The following TMEM185A variants were observed in gnomAD, a reference collection of about 807,000 sequenced individuals.
The protein encoded by TMEM185A is family with sequence similarity 11, member A.
A neutral mutation model predicts 25.0 loss-of-function variants in TMEM185A; 9 were observed. The observed-to-expected ratio is 0.36, with a 90% confidence interval of 0.22 to 0.63. The LOEUF is 0.63. TMEM185A is among the 20% of genes least tolerant of loss of function. TMEM185A has a pLI of 0.68. For synonymous variants in TMEM185A, 45 were observed against 93.5 expected (o/e 0.48, Z 2.99); for missense variants, 103 against 237.4 (o/e 0.43, Z 3.72).
intron 1 of TMEM185A, among the ~76,000 whole-genome samples, chrX:149,615,637 T>C (rs1218885365): frequency 2.7e-5 from 3 of 111,843 alleles, no homozygotes; most frequent in African/African-American, 6.5e-5. Flanking sequence ...ACAAAAATTA[T>C]TGCATTTCTA....
chrX:149,607,134 T>C (rs1478674281), intron 3 of TMEM185A, among the ~76,000 whole-genome samples: 1 of 111,839 alleles, frequency 8.9e-6, no homozygotes, highest in Non-Finnish European at 1.9e-5. Flanking sequence ...CCATTCTCCC[T>C]GAGTCCCACA....
intron 1 of TMEM185A, among the ~76,000 whole-genome samples, chrX:149,613,534 GATTA>G (rs1185870932): frequency 8.9e-6 from 1 of 112,056 alleles, no homozygotes; most frequent in Non-Finnish European, 1.9e-5. Flanking sequence ...CTTGAAAGCA[GATTA>G]ATCCCTGGAG....
At chrX:149,604,106 T>A (rs1602856785) in intron 3 of TMEM185A, 36 bp from the exon 4 acceptor site, 2 of 1,023,953 alleles carry the variant, frequency 2.0e-6, no homozygotes, top group African/African-American at 1.9e-5. Flanking sequence ...AAACAAAGTA[T>A]AATTTGCATT....
chrX:149,628,430 C>T (rs947576115), intron 1 of TMEM185A, among the ~76,000 whole-genome samples: 1 of 112,040 alleles, frequency 8.9e-6, no homozygotes, highest in African/African-American at 3.3e-5. Context: ...ACATCTGTTT[C>T]GGCATGTCTT....
At chrX:149,613,393 G>A (rs1557354711) in intron 1 of TMEM185A, among the ~76,000 whole-genome samples, 1 of 111,989 alleles carries the variant, frequency 8.9e-6, no homozygotes, top group African/African-American at 3.3e-5. Flanking sequence ...ATGGAGGTAA[G>A]GAACCATGAG....
chrX:149,631,124 G>A (rs932591378), intron 1 of TMEM185A, among the ~76,000 whole-genome samples: 6 of 110,782 alleles, frequency 5.4e-5, no homozygotes, highest in Non-Finnish European at 1.9e-5. Context: ...GGAACTGGAG[G>A]AAACAGCTGG....
chrX:149,603,335 C>T (rs1392627074), intron 4 of TMEM185A, among the ~76,000 whole-genome samples: 2 of 108,643 alleles, frequency 1.8e-5, no homozygotes, highest in Non-Finnish European at 3.8e-5. Context: ...CTACATTGCA[C>T]AGGTTGGTCT....
Position 149,631,594 on chromosome X carries a change from A to G in TMEM185A, c.-14T>C. ...CCTCAGGTTCATGGCGGAGAACTTC[A>G]CCGCGGCGTCCTCCTCCTCCTCCCC... is the stretch of plus-strand genomic sequence containing the variant. On this transcript the variant is annotated 5_prime_UTR_variant, in exon 1 of 7. Coordinates refer to ENST00000600449, the MANE Select transcript of TMEM185A (RefSeq NM_032508.4). 8.6e-7 allele frequency: 1 copy of G among 1,159,332 alleles called. No individual in the cohort carries two copies.
chrX:149,605,343 ATGTCACTTTCTATG>A (rs2090042801), intron 3 of TMEM185A: 1 of 84,993 alleles, frequency 1.2e-5, no homozygotes, highest in Non-Finnish European at 2.4e-5. Flanking sequence ...ATGGCCTCCC[ATGTCACTTTCTATG>A]GCCTCCCATG....
At chrX:149,611,246 C>T (rs374512140) in intron 2 of TMEM185A, 41 bp downstream of exon 2, 1 of 1,133,613 alleles carries the variant, frequency 8.8e-7, no homozygotes, top group African/African-American at 1.8e-5. Context: ...GATATTGCTC[C>T]CTCATGCTAG....
rs782692198 is a variant in TMEM185A at position 149,627,420 on chromosome X, T to C, written c.38+4123A>G. On this transcript the variant is annotated intron_variant, in intron 1 of 6. Transcript: ENST00000600449. ...ACAGCATCTCAAAGCAGAAACAATT[T>C]TTCTTAGTACAGATCAAAATGGAGT... is the stretch of plus-strand genomic sequence containing the variant. Among the ~76,000 whole-genome samples, 8 of 112,339 alleles carry C rather than the reference T, an allele frequency of 7.1e-5. No homozygotes were observed. The Admixed American group carries it at 7.5e-4, about 10-fold the overall frequency.
chrX:149,615,540 C>A (rs1346210255), intron 1 of TMEM185A, among the ~76,000 whole-genome samples: 1 of 110,190 alleles, frequency 9.1e-6, no homozygotes, highest in African/African-American at 3.3e-5. Context: ...ACATGATATT[C>A]CGTGTAGGAA....
At chrX:149,622,664 T>C (rs1785665761) in intron 1 of TMEM185A, among the ~76,000 whole-genome samples, 1 of 111,720 alleles carries the variant, frequency 9.0e-6, no homozygotes, top group Non-Finnish European at 1.9e-5. Context: ...ATGTGTGAGA[T>C]ACATAAAAAG....
At chrX:149,613,398 C>T (rs2124218243) in intron 1 of TMEM185A, among the ~76,000 whole-genome samples, 1 of 112,008 alleles carries the variant, frequency 8.9e-6, no homozygotes, top group Non-Finnish European at 1.9e-5. Flanking sequence ...GGTAAGGAAC[C>T]ATGAGCCAAG....
At chrX:149,614,857 T>C (rs1557354884) in intron 1 of TMEM185A, among the ~76,000 whole-genome samples, 1 of 112,026 alleles carries the variant, frequency 8.9e-6, no homozygotes, top group African/African-American at 3.2e-5. Context: ...GCAATTCTAG[T>C]TAAAACCTTT....
chrX:149,603,306 C>A (rs782512126), intron 4 of TMEM185A, among the ~76,000 whole-genome samples: 2 of 97,538 alleles, frequency 2.1e-5, no homozygotes, highest in African/African-American at 7.5e-5. Flanking sequence ...TTTTTTTTTT[C>A]TTTTGAGACA....
chrX:149,623,543 A>G (rs2090149609), intron 1 of TMEM185A, among the ~76,000 whole-genome samples: 1 of 111,211 alleles, frequency 9.0e-6, no homozygotes, highest in South Asian at 3.8e-4. Context: ...AAACATAAAA[A>G]TACCTGGGCA....
At chrX:149,602,136 GT>G (rs782743973) in intron 4 of TMEM185A, 57 of 103,683 alleles carry the variant, frequency 5.5e-4, no homozygotes, top group African/African-American at 1.9e-3. Flanking sequence ...GCAGTTTTGA[GT>G]TTTTAAGAGT....
chrX:149,608,167 G>A (rs782055554), intron 3 of TMEM185A, among the ~76,000 whole-genome samples: 1 of 111,887 alleles, frequency 8.9e-6, no homozygotes, highest in Admixed American at 9.4e-5. Context: ...TGTCCTGGGT[G>A]AAAAGCTAGT....
Sources: allele counts gnomAD v4.1 joint callset (sites outside exome capture counted in the v4.1 genomes callset), GRCh38; gene constraint gnomAD v4.1.1; transcripts MANE v1.5; gene names NCBI Gene and HGNC (gene_info 2026-07-23, HGNC 2026-07-21).